The following TEC variants were observed in gnomAD, a reference collection of about 807,000 sequenced individuals.
TEC encodes tyrosine-protein kinase Tec.
A neutral mutation model predicts 93.0 loss-of-function variants in TEC; 72 were observed. The ratio of observed to expected loss-of-function variants is 0.77; its 90% CI spans 0.64 to 0.94. TEC has a LOEUF of 0.94. Ranked by LOEUF, TEC falls within the 40% of genes least tolerant of loss-of-function variation. The pLI is 0.00. For missense variants in TEC, 630 were observed against 757.9 expected (o/e 0.83, Z 1.98); for synonymous variants, 249 against 247.7 (o/e 1.01, Z -0.05).
At chr4:48,197,140 A>ATGTTTGATCCTTCT (rs1722326487) in intron 2 of TEC, among the ~76,000 whole-genome samples, 1 of 152,202 alleles carries the variant, frequency 6.6e-6, no homozygotes, top group African/African-American at 2.4e-5. Context: ...TATAAAGATT[A>ATGTTTGATCCTTCT]ATATATGTTT....
chr4:48,156,376 C>T (rs184378522), intron 9 of TEC, among the ~76,000 whole-genome samples: 2 of 152,316 alleles, frequency 1.3e-5, no homozygotes, highest in Admixed American at 6.5e-5. Flanking sequence ...TCCAGCTGCA[C>T]ATGTTTCACC....
At chr4:48,224,351 A>T (rs1274584094) in intron 2 of TEC, among the ~76,000 whole-genome samples, 1 of 152,200 alleles carries the variant, frequency 6.6e-6, no homozygotes, top group African/African-American at 2.4e-5. Context: ...AACCTATAGA[A>T]ATCAATTCCT....
At chr4:48,244,273 C>G (rs1012745829) in intron 1 of TEC, among the ~76,000 whole-genome samples, 26 of 152,132 alleles carry the variant, frequency 1.7e-4, no homozygotes, top group Non-Finnish European at 3.1e-4. Context: ...AAGACATACT[C>G]GAGACTGGGC....
chr4:48,165,037 A>G (rs1239487080), intron 7 of TEC, among the ~76,000 whole-genome samples: 2 of 152,152 alleles, frequency 1.3e-5, no homozygotes, highest in Non-Finnish European at 2.9e-5. Context: ...AAGAAAAGAA[A>G]AGAAAAATGT....
At chr4:48,154,859 A>G (rs1357146637) in intron 9 of TEC, among the ~76,000 whole-genome samples, 2 of 152,344 alleles carry the variant, frequency 1.3e-5, no homozygotes, top group Non-Finnish European at 2.9e-5. Context: ...TGAGTCCCCA[A>G]CATTAAAGAG....
intron 1 of TEC, among the ~76,000 whole-genome samples, chr4:48,262,593 A>T (rs1724526419): frequency 1.3e-5 from 2 of 152,168 alleles, no homozygotes; most frequent in Admixed American, 6.5e-5. Context: ...TTTCCCTAGG[A>T]AAGAACTTCT....
intron 2 of TEC, among the ~76,000 whole-genome samples, chr4:48,184,762 A>C (rs1161478339): frequency 1.8e-5 from 2 of 108,394 alleles, no homozygotes; most frequent in Non-Finnish European, 3.9e-5. Context: ...CCAGGCAGAC[A>C]AAAAAAATAC....
intron 2 of TEC, among the ~76,000 whole-genome samples, chr4:48,181,423 C>A (rs142721504): frequency 0.013 from 2,003 of 152,098 alleles, 20 homozygotes; most frequent in Middle Eastern, 0.051. Context: ...TCCTGTAATC[C>A]CAGCACTTTG....
At chr4:48,248,700 G>A (rs1000047218) in intron 1 of TEC, among the ~76,000 whole-genome samples, 3 of 152,208 alleles carry the variant, frequency 2.0e-5, no homozygotes, top group Non-Finnish European at 4.4e-5. Context: ...TGAGCACTGT[G>A]AGATGCTCAT....
intron 8 of TEC, 109 bp downstream of exon 8, chr4:48,163,593 C>T (rs1720760477): frequency 1.5e-6 from 1 of 683,634 alleles, no homozygotes. Flanking sequence ...TTTTAGCACC[C>T]CCTTCAAAGA....
At chr4:48,250,408 C>T (rs1724169532) in intron 1 of TEC, among the ~76,000 whole-genome samples, 1 of 152,176 alleles carries the variant, frequency 6.6e-6, no homozygotes, top group Non-Finnish European at 1.5e-5. Flanking sequence ...TTTCATATCT[C>T]CTTGTATCTT....
chr4:48,230,778 G>A (rs1049387258), intron 1 of TEC, among the ~76,000 whole-genome samples: 3 of 152,032 alleles, frequency 2.0e-5, no homozygotes, highest in African/African-American at 4.8e-5. Context: ...CCAAATCTCC[G>A]GAGATTCCCC....
chr4:48,167,730 G>C, intron 7 of TEC, 48 bp downstream of exon 7: 1 of 1,567,784 alleles, frequency 6.4e-7, no homozygotes, highest in Non-Finnish European at 8.8e-7. Context: ...CTCAACACTT[G>C]ACTCCCACCT....
chr4:48,144,171 C>G (rs1476709510), intron 14 of TEC, among the ~76,000 whole-genome samples: 1 of 151,984 alleles, frequency 6.6e-6, no homozygotes, highest in Non-Finnish European at 1.5e-5. Flanking sequence ...GCCAAGATTG[C>G]GCCACTGCAC....
At chr4:48,152,556 C>G (rs1017136271) in intron 9 of TEC, among the ~76,000 whole-genome samples, 3 of 152,090 alleles carry the variant, frequency 2.0e-5, no homozygotes, top group African/African-American at 7.2e-5. Flanking sequence ...ATTTAATCAT[C>G]GAAACAGTCC....
chr4:48,233,541 T>C (rs1418862071), intron 1 of TEC, among the ~76,000 whole-genome samples: 2 of 149,618 alleles, frequency 1.3e-5, no homozygotes, highest in African/African-American at 4.9e-5. Context: ...CCCCAGACAA[T>C]TGAGGAAAAA....
chr4:48,233,883 A>G (rs1488085292), intron 1 of TEC, among the ~76,000 whole-genome samples: 1 of 152,106 alleles, frequency 6.6e-6, no homozygotes, highest in East Asian at 1.9e-4. Context: ...AAAGTTCAGC[A>G]TCTAAAAACC....
chr4:48,164,779 A>T (rs955406469), intron 7 of TEC, among the ~76,000 whole-genome samples: 1 of 152,194 alleles, frequency 6.6e-6, no homozygotes, highest in African/African-American at 2.4e-5. Context: ...AGGCAAGCAG[A>T]TCACTTGAGG....
intron 1 of TEC, among the ~76,000 whole-genome samples, chr4:48,246,033 T>C (rs2664032): frequency 0.78 from 117,976 of 152,052 alleles, 46,648 homozygotes; most frequent in African/African-American, 0.93. Flanking sequence ...CACTTGAACA[T>C]GGGAGGTAGA....
Sources: allele counts gnomAD v4.1 joint callset (sites outside exome capture counted in the v4.1 genomes callset), GRCh38; gene constraint gnomAD v4.1.1; transcripts MANE v1.5; gene names NCBI Gene and HGNC (gene_info 2026-07-23, HGNC 2026-07-21).